Variants in TBC1D16 observed in about 807,000 individuals in gnomAD.
The protein encoded by TBC1D16 is TBC1 domain family member 16, also known as CTD-2529O21.1.
In TBC1D16, 58 loss-of-function variants were observed where a neutral mutation model predicts 74.7. The ratio of observed to expected loss-of-function variants is 0.78; its 90% CI spans 0.63 to 0.97. TBC1D16 has a LOEUF of 0.97. Ranked by LOEUF, TBC1D16 falls within the 50% of genes least tolerant of loss-of-function variation. The pLI, the probability that TBC1D16 is intolerant of heterozygous loss-of-function variation, is 0.00. For synonymous variants in TBC1D16, 493 were observed against 474.7 expected, an observed-to-expected ratio of 1.04 and a Z score of -0.50; for missense variants, 1,014 against 1,079.5, an observed-to-expected ratio of 0.94 and a Z score of 0.85.
At chr17:79,998,784 A>G (rs9912724) in intron 3 of TBC1D16, among the ~76,000 whole-genome samples, 4,570 of 152,190 alleles carry the variant, frequency 0.03, 215 homozygotes, top group African/African-American at 0.1. Context: ...ACCCACCACC[A>G]CAGGGTATCC....
intron 4 of TBC1D16, 55 bp from the exon 5 acceptor site, chr17:79,951,652 G>A: frequency 6.3e-7 from 1 of 1,581,786 alleles, no homozygotes; most frequent in Non-Finnish European, 8.6e-7. Flanking sequence ...TAAACACGGG[G>A]GTTTTATTTC....
rs2034883802 is a variant in TBC1D16 at position 79,987,404 on chromosome 17, G to A, written c.779+22756C>T. Among the ~76,000 whole-genome samples, 1 of 151,772 alleles carries A rather than the reference G, an allele frequency of 6.6e-6. No individual in the cohort carries two copies. The highest frequency in any genetic ancestry group is 1.5e-5 in the Non-Finnish European group (1 of 67,958). Reference sequence around the variant, plus strand: ...TGGGACCACAGGTGCACGCCATCACGCCCAGCTAAATTTTTTATTTTTTAT... The same window carrying A: ...TGGGACCACAGGTGCACGCCATCACACCCAGCTAAATTTTTTATTTTTTAT... On this transcript the variant is annotated intron_variant, in intron 3 of 11. Coordinates refer to ENST00000310924, the MANE Select transcript of TBC1D16 (RefSeq NM_019020.4). The surrounding 1 kb of genome is among the most constrained non-coding windows in gnomAD (Gnocchi z 5.2).
chr17:80,021,389 C>A (rs192145897), intron 1 of TBC1D16, among the ~76,000 whole-genome samples: 1 of 149,710 alleles, frequency 6.7e-6, no homozygotes, highest in Admixed American at 6.6e-5. Context: ...GAGCCCAGGA[C>A]GTCGAGGCTG....
Position 79,971,685 on chromosome 17 carries a change from C to T in TBC1D16, c.780-18867G>A, listed in dbSNP as rs577853576. ...CTTCTCTACAACAGTCAACTTCTCT[C>T]AAGGAAGACCTGAGGAAGCTGGTGC... On this transcript the variant is annotated intron_variant, in intron 3 of 11. Transcript: ENST00000310924. This position sits in a 1 kb window ranked among gnomAD's most constrained non-coding sequence, Gnocchi z 4.6. Among the ~76,000 whole-genome samples the T allele has an allele frequency of 6.6e-6, 1 of 152,192 alleles. No individual in the cohort carries two copies. Among genetic ancestry groups the T allele is most frequent in the Admixed American group, 6.5e-5 (1 of 15,274 alleles).
At chr17:80,030,815 G>C (rs540119035) in intron 1 of TBC1D16, among the ~76,000 whole-genome samples, 1 of 152,298 alleles carries the variant, frequency 6.6e-6, no homozygotes, top group South Asian at 2.1e-4. Context: ...GCCCACCACC[G>C]ATTATTCCCA....
At chr17:79,982,930 T>G (rs1364702196) in intron 3 of TBC1D16, among the ~76,000 whole-genome samples, 1 of 152,140 alleles carries the variant, frequency 6.6e-6, no homozygotes, top group Non-Finnish European at 1.5e-5. Flanking sequence ...GTAAAATAAA[T>G]AATATGACAT....
rs1248347556 is a variant in TBC1D16, at chr17:79,979,248, C to T, written c.780-26430G>A. 7.9e-5 allele frequency among the ~76,000 whole-genome samples: 12 copies of T among 151,896 alleles called. No individual in the cohort carries two copies. The highest frequency in any genetic ancestry group is 1.7e-4 in the African/African-American group (7 of 41,362). On this transcript the variant is annotated intron_variant, in intron 3 of 11. Coordinates refer to ENST00000310924, the MANE Select transcript of TBC1D16 (RefSeq NM_019020.4). The surrounding 1 kb of genome is among the most constrained non-coding windows in gnomAD (Gnocchi z 4.8). ...CGCACACCCACGCCTAGAGCACACA[C>T]GCTCCGGGGATGCACACCCACGCCC...
chr17:80,032,835 A>G (rs1190712071), intron 1 of TBC1D16, among the ~76,000 whole-genome samples: 1 of 152,180 alleles, frequency 6.6e-6, no homozygotes, highest in African/African-American at 2.4e-5. Flanking sequence ...TGGATGAAAC[A>G]AAGTAGCTAA....
At chr17:79,997,993 C>T (rs1234341434) in intron 3 of TBC1D16, among the ~76,000 whole-genome samples, 4 of 152,090 alleles carry the variant, frequency 2.6e-5, no homozygotes, top group African/African-American at 9.6e-5. Context: ...GGTGTGGTGG[C>T]GGGAGCCTGG....
At chr17:79,966,965 T>A (rs1175297253) in intron 3 of TBC1D16, among the ~76,000 whole-genome samples, 1 of 152,162 alleles carries the variant, frequency 6.6e-6, no homozygotes, top group Non-Finnish European at 1.5e-5. Flanking sequence ...CACAAGATCA[T>A]CTCAACAGAT....
At chr17:80,030,875 T>C (rs766179431) in intron 1 of TBC1D16, among the ~76,000 whole-genome samples, 4 of 152,178 alleles carry the variant, frequency 2.6e-5, no homozygotes, top group Admixed American at 6.5e-5. Flanking sequence ...CTGAGCCCGG[T>C]CACCTGGCAC....
chr17:80,017,435 A>T (rs2036127677), intron 1 of TBC1D16, among the ~76,000 whole-genome samples: 1 of 152,126 alleles, frequency 6.6e-6, no homozygotes, highest in Admixed American at 6.6e-5. Flanking sequence ...TAATCTTGGT[A>T]CTTTGGGAGG....
intron 3 of TBC1D16, among the ~76,000 whole-genome samples, chr17:80,002,281 G>A (rs911928254): frequency 1.3e-5 from 2 of 152,182 alleles, no homozygotes; most frequent in Admixed American, 6.5e-5. Flanking sequence ...TTACACCAAC[G>A]ATGAACGATA....
chr17:79,984,130 T>C (rs2034715475), intron 3 of TBC1D16, among the ~76,000 whole-genome samples: 1 of 152,168 alleles, frequency 6.6e-6, no homozygotes, highest in South Asian at 2.1e-4. Flanking sequence ...AAGCCCATCC[T>C]CTTGCCTCAG....
At chr17:80,004,977 T>C (rs1228437530) in intron 3 of TBC1D16, among the ~76,000 whole-genome samples, 2 of 152,264 alleles carry the variant, frequency 1.3e-5, no homozygotes, top group Non-Finnish European at 2.9e-5. Flanking sequence ...CCGGCCACTT[T>C]GGCCTTTCTA....
chr17:79,969,776 TA>T (rs2033999301), intron 3 of TBC1D16, among the ~76,000 whole-genome samples: 2 of 151,758 alleles, frequency 1.3e-5, no homozygotes, highest in Non-Finnish European at 1.5e-5. Context: ...ACCCCATCTC[TA>T]CTAAAAATAC....
rs183796674 is a variant in TBC1D16 at position 79,952,530 on chromosome 17, C to T, written c.941+127G>A. 220 of 1,216,076 alleles carry T rather than the reference C, an allele frequency of 1.8e-4. No homozygotes were observed. The African/African-American group carries it at 2.3e-3, about 13-fold the overall frequency. The allele number at this position is 1,216,076 out of a possible 1,614,324, so 75.3% of individuals were successfully genotyped here. On this transcript the variant is annotated intron_variant, in intron 4 of 11. Coordinates refer to ENST00000310924, the MANE Select transcript of TBC1D16 (RefSeq NM_019020.4). ...AAGATCAGCGAGGGAGGAAAGCAGA[C>T]GCTTGGGAAGACTCCATCCAGGGCC... is the stretch of plus-strand genomic sequence containing the variant.
At chr17:79,962,201 ATTTTTTTTTTTTTT>A (rs563506473) in intron 3 of TBC1D16, among the ~76,000 whole-genome samples, 6 of 64,922 alleles carry the variant, frequency 9.2e-5, no homozygotes, top group Non-Finnish European at 1.6e-4. Flanking sequence ...ATCTCAACCT[ATTTTTTTTTTTTTT>A]TTTTTTTTTT....
chr17:79,993,695 A>G lies in TBC1D16; in HGVS notation c.779+16465T>C, dbSNP rs1160232933. The stretch of plus-strand genomic sequence containing the variant: ...GGTGTGAGCTCCCCAACTCACCGGG[A>G]GACAGGCGCTGCCACATCACTGCCT... On this transcript the variant is annotated intron_variant, in intron 3 of 11. Transcript: ENST00000310924. This position sits in a 1 kb window ranked among gnomAD's most constrained non-coding sequence, Gnocchi z 5.1. 6.6e-6 allele frequency: 1 copy of G among 152,220 alleles called. No homozygotes were observed. Among genetic ancestry groups the G allele is most frequent in the Non-Finnish European group, 1.5e-5 (1 of 68,048 alleles). The allele number at this position is 152,220 out of a possible 1,614,324, so 9.4% of individuals were successfully genotyped here.
Sources: gnomAD v4.1 joint callset for allele counts (sites outside exome capture counted in the v4.1 genomes callset) on GRCh38, gnomAD v4.1.1 for gene constraint, Gnocchi (gnomAD v3.1) non-coding constraint, MANE v1.5 for transcripts, NCBI Gene and HGNC (gene_info 2026-07-23, HGNC 2026-07-21) for gene names.